ZMYND12: variants seen among roughly 807,000 people sequenced by gnomAD.
ZMYND12 encodes zinc finger MYND-type containing 12, also known as zinc finger MYND domain-containing protein 12.
ZMYND12 carries 32 observed loss-of-function variants against 41.7 expected under a neutral mutation model. That is an observed-to-expected ratio of 0.77 (90% CI 0.58 to 1.03). ZMYND12 has a LOEUF of 1.03. Among genes scored for constraint, ZMYND12 ranks in the 50% least tolerant of loss-of-function variants. ZMYND12 has a pLI of 0.00. For synonymous variants in ZMYND12, 148 were observed against 164.8 expected, an observed-to-expected ratio of 0.90 and a Z score of 0.78; for missense variants, 424 against 438.5, an observed-to-expected ratio of 0.97 and a Z score of 0.30.
Position 42,436,430 on chromosome 1 carries a change from C to A in ZMYND12, c.708G>T (p.Leu236Phe). 1 of 1,613,268 alleles carries A rather than the reference C, an allele frequency of 6.2e-7. No individual in the cohort carries two copies. The highest frequency in any genetic ancestry group is 8.5e-7 in the Non-Finnish European group (1 of 1,179,364). ...DLKKLDLADT[L>F]YTKVSEIWHA... is the part of the protein sequence containing the mutation. ...ACATTCCCCAGCTCACCTTGGTGTA[C>A]AATGTGTCTGCCAGGTCCAACTTTT... The change falls in exon 5 of 8, where the codon TTG (leucine) becomes TTT (phenylalanine). Residue 236 changes from leucine to phenylalanine, a missense_variant. Coordinates refer to ENST00000372565, the MANE Select transcript of ZMYND12 (RefSeq NM_032257.5).
rs552344679 is a variant in ZMYND12 at position 42,451,104 on chromosome 1, G to A, written c.111-1045C>T. 3.7e-4 allele frequency among the ~76,000 whole-genome samples: 56 copies of A among 152,242 alleles called. 1 individual carries two copies. Among genetic ancestry groups the A allele is most frequent in the Admixed American group, 3.7e-3 (56 of 15,276 alleles). On this transcript the variant is annotated intron_variant, in intron 1 of 7. Transcript: ENST00000372565. The stretch of plus-strand genomic sequence containing the variant: ...CTGTTAGGTCTAGTTGGTTTATAGC[G>A]TGATTCAAGTCTTATATTTCCTTGC...
Position 42,432,997 on chromosome 1 carries a change from A to T in ZMYND12, c.975+146T>A, listed in dbSNP as rs949773673. 1.0e-5 allele frequency: 10 copies of T among 954,710 alleles called. No homozygotes were observed. In the African/African-American group the frequency reaches 1.7e-4, roughly 16 times the overall value. 59.1% of individuals were successfully genotyped at this position (954,710 alleles called of 1,614,324 possible). On this transcript the variant is annotated intron_variant, in intron 7 of 7. Transcript: ENST00000372565. ...TGCAGGCTAGACTCAACACAGGAGA[A>T]ACATCGTGAGCATCTGAACCTCTTT... is the stretch of plus-strand genomic sequence containing the variant.
chr1:42,432,054 CTTTTTCTTT>C (rs1216614770), intron 7 of ZMYND12, among the ~76,000 whole-genome samples: 7 of 103,828 alleles, frequency 6.7e-5, no homozygotes, highest in Non-Finnish European at 2.2e-5. Context: ...TTTTCTTTTT[CTTTTTCTTT>C]TTTTTTTTTT....
chr1:42,449,261 T>G (rs1424430442), intron 2 of ZMYND12, among the ~76,000 whole-genome samples: 1 of 152,218 alleles, frequency 6.6e-6, no homozygotes, highest in Admixed American at 6.5e-5. Flanking sequence ...CCTCCTTTAT[T>G]TATTCAGTAG....
chr1:42,441,660 G>T (rs971710698), intron 3 of ZMYND12, among the ~76,000 whole-genome samples: 6 of 151,508 alleles, frequency 4.0e-5, no homozygotes, highest in Non-Finnish European at 8.8e-5. Context: ...TTGCTCTGTC[G>T]CCCAGGCTGG....
intron 4 of ZMYND12, among the ~76,000 whole-genome samples, chr1:42,439,238 C>G (rs946664233): frequency 6.8e-6 from 1 of 146,820 alleles, no homozygotes; most frequent in Admixed American, 6.8e-5. Flanking sequence ...TGAAACAGAT[C>G]TGTGACTAGA....
chr1:42,436,601 T>C (rs899188603), intron 4 of ZMYND12, 58 bp from the exon 5 acceptor site: 5 of 1,590,760 alleles, frequency 3.1e-6, no homozygotes, highest in South Asian at 1.1e-5. Context: ...ATATATCTGA[T>C]AAAGGACTTG....
chr1:42,436,398 A>G (rs1642907786), intron 5 of ZMYND12, 23 bp downstream of exon 5: 1 of 1,611,840 alleles, frequency 6.2e-7, no homozygotes, highest in Non-Finnish European at 8.5e-7. Context: ...GTGAAGGCTC[A>G]GCTCCCACAT....
chr1:42,431,979 G>C (rs1240784480), intron 7 of ZMYND12, among the ~76,000 whole-genome samples: 1 of 151,894 alleles, frequency 6.6e-6, no homozygotes, highest in Admixed American at 6.5e-5. Flanking sequence ...CACACAAAAA[G>C]GGCTCCCTCC....
Position 42,436,476 on chromosome 1 carries a change from G to T in ZMYND12, c.662C>A (p.Ala221Asp). The change falls in exon 5 of 8, where the codon GCT becomes GAT. Residue 221 changes from alanine (A) to aspartate (D), a missense_variant. Coordinates refer to ENST00000372565, the MANE Select transcript of ZMYND12 (RefSeq NM_032257.5). ...IRTSGGYFHL[A>D]NIFYDLKKLD... ...CTTTTTAAGGTCATAGAATATATTA[G>T]CCAGGTGGAAGTAGCCTCCTGAAGT... 6.2e-7 allele frequency: 1 copy of T among 1,613,798 alleles called. No individual in the cohort carries two copies. Among genetic ancestry groups the T allele is most frequent in the East Asian group, 2.2e-5 (1 of 44,870 alleles).
rs1482490058 is a variant in ZMYND12, at chr1:42,455,939, C to T, written c.59G>A (p.Cys20Tyr). 1.9e-6 allele frequency: 3 copies of T among 1,613,796 alleles called. No homozygotes were observed. The highest frequency in any genetic ancestry group is 2.5e-6 in the Non-Finnish European group (3 of 1,179,990). The change falls in exon 1 of 8, where the codon TGC becomes TAC. Residue 20 changes from cysteine to tyrosine, a missense_variant. Transcript: ENST00000372565. ...GCACACCCGCTCGGCTGGGGCTTCGCACACCTCACAGCAGAGTCTGCGCCC... is the reference window on the plus strand; with the variant it reads ...GCACACCCGCTCGGCTGGGGCTTCGTACACCTCACAGCAGAGTCTGCGCCC... Reference protein sequence around the residue: ...PKGRRLCCEVCEAPAERVCAA... With the variant: ...PKGRRLCCEVYEAPAERVCAA...
At chr1:42,439,834 T>TTA (rs1481251061) in intron 4 of ZMYND12, 22 bp downstream of exon 4, 1 of 1,588,142 alleles carries the variant, frequency 6.3e-7, no homozygotes, top group Non-Finnish European at 8.5e-7. Context: ...AATATACAGG[T>TTA]GTTATAACTT....
In ZMYND12 at chr1:42,436,409, T is replaced by TC. The variant is rs1642908049; in HGVS notation, c.717+11dup. On this transcript the variant is annotated intron_variant, in intron 5 of 7. Coordinates refer to ENST00000372565, the MANE Select transcript of ZMYND12 (RefSeq NM_032257.5). ...AAGAGTGAAGGCTCAGCTCCCACATTCCCCAGCTCACCTTGGTGTACAATG... is the reference window on the plus strand; with the variant it reads ...AAGAGTGAAGGCTCAGCTCCCACATTCCCCCAGCTCACCTTGGTGTACAATG... The TC allele has an allele frequency of 6.2e-7, 1 of 1,612,538 alleles. No individual in the cohort carries two copies. Among genetic ancestry groups the TC allele is most frequent in the Non-Finnish European group, 8.5e-7 (1 of 1,178,920 alleles).
intron 4 of ZMYND12, among the ~76,000 whole-genome samples, chr1:42,437,293 C>A (rs964770167): frequency 6.6e-5 from 10 of 152,052 alleles, no homozygotes; most frequent in African/African-American, 2.2e-4. Context: ...GAAATGACTG[C>A]GCATGGATAC....
chr1:42,449,811 T>C (rs1441761420), intron 2 of ZMYND12, 107 bp downstream of exon 2: 1 of 1,375,632 alleles, frequency 7.3e-7, no homozygotes, highest in Non-Finnish European at 9.8e-7. Flanking sequence ...ACAAAGTCTC[T>C]GCCCTCCGTG....
rs761563439 is a variant in ZMYND12 at position 42,448,503 on chromosome 1, C to G, written c.388G>C (p.Val130Leu). The change falls in exon 3 of 8, where the codon GTG (valine) becomes CTG (leucine). Residue 130 changes from valine to leucine, a missense_variant. By Grantham distance (32) the Val-to-Leu change is conservative. Transcript: ENST00000372565. ...TCGGCCAACAGCAGGTAAGCAGGCACAAGCTCTACGGAGCTCAGGCCATAC... is the reference window on the plus strand; with the variant it reads ...TCGGCCAACAGCAGGTAAGCAGGCAGAAGCTCTACGGAGCTCAGGCCATAC... ...KLYGLSSVEL[V>L]PAYLLLAEAS... 6.8e-6 allele frequency: 11 copies of G among 1,607,484 alleles called. No homozygotes were observed. Among genetic ancestry groups the G allele is most frequent in the Admixed American group, 1.7e-5 (1 of 59,146 alleles).
intron 7 of ZMYND12, 144 bp downstream of exon 7, chr1:42,432,999 C>T (rs1454151875): frequency 3.1e-6 from 3 of 968,940 alleles, no homozygotes; most frequent in Admixed American, 2.5e-5. Flanking sequence ...ACAGGAGAAA[C>T]ATCGTGAGCA....
chr1:42,454,131 A>C (rs1643115939), intron 1 of ZMYND12, among the ~76,000 whole-genome samples: 1 of 152,322 alleles, frequency 6.6e-6, no homozygotes, highest in South Asian at 2.1e-4. Flanking sequence ...ACAGACTGGG[A>C]AAAGAAACTG....
intron 1 of ZMYND12, among the ~76,000 whole-genome samples, chr1:42,453,479 A>C (rs1171064757): frequency 6.6e-6 from 1 of 152,224 alleles, no homozygotes; most frequent in East Asian, 1.9e-4. Flanking sequence ...CTCTGTACAC[A>C]TTTGACATAG....
Sources: gnomAD v4.1 joint callset for allele counts (sites outside exome capture counted in the v4.1 genomes callset) on GRCh38, gnomAD v4.1.1 for gene constraint, MANE v1.5 for transcripts, NCBI Gene and HGNC (gene_info 2026-07-23, HGNC 2026-07-21) for gene names.